Variants in ANKHD1 observed in about 807,000 individuals in gnomAD.
ANKHD1 encodes the protein ankyrin repeat and KH domain-containing protein 1.
ANKHD1 carries 31 observed loss-of-function variants against 230.5 expected under a neutral mutation model. That is an observed-to-expected ratio of 0.13 (90% CI 0.10 to 0.18). ANKHD1 has a LOEUF of 0.18. ANKHD1 is among the 10% of genes least tolerant of loss of function. The pLI is 1.00. For missense variants in ANKHD1, 2,256 were observed against 3,071.3 expected, an observed-to-expected ratio of 0.73 and a Z score of 6.27; for synonymous variants, 1,074 against 1,117.6, an observed-to-expected ratio of 0.96 and a Z score of 0.78.
chr5:140,443,493 A>G (rs1581252980), intron 5 of ANKHD1, among the ~76,000 whole-genome samples: 1 of 151,860 alleles, frequency 6.6e-6, no homozygotes, highest in Non-Finnish European at 1.5e-5. Flanking sequence ...GATCGAGACT[A>G]TCCTGGCTAA....
In ANKHD1 at chr5:140,507,679, G is replaced by A. The variant is rs1464642385; in HGVS notation, c.3552-106G>A. 1 of 1,289,630 alleles carries A rather than the reference G, an allele frequency of 7.8e-7. No homozygotes were observed. Among genetic ancestry groups the A allele is most frequent in the Non-Finnish European group, 1.1e-6 (1 of 943,258 alleles). 79.9% of individuals were successfully genotyped at this position (1,289,630 alleles called of 1,614,324 possible). A position where few individuals can be genotyped will look rare whatever the true frequency, so the allele number is the denominator to read the frequency against. ...TCGAAACAAGTAAAATCTATTCATT[G>A]ATGTTAGAAACCTCTCTTTTTAGTG... On this transcript the variant is annotated intron_variant, in intron 19 of 33. Transcript: ENST00000360839. This position sits in a 1 kb window ranked among gnomAD's most constrained non-coding sequence, Gnocchi z 4.1.
At chr5:140,505,996 G>A (rs977424069) in intron 18 of ANKHD1, 127 bp downstream of exon 18, 2 of 1,411,818 alleles carry the variant, frequency 1.4e-6, no homozygotes, top group African/African-American at 2.9e-5. Flanking sequence ...CTGAGGCAGG[G>A]TCTTGCTCTG....
intron 7 of ANKHD1, among the ~76,000 whole-genome samples, chr5:140,453,424 C>T (rs989467184): frequency 2.0e-5 from 3 of 152,022 alleles, no homozygotes; most frequent in Non-Finnish European, 4.4e-5. Context: ...GATTCACCAA[C>T]GTTGAAATGA....
rs1769977651 is a variant in ANKHD1 at position 140,401,951 on chromosome 5, G to A, written c.-17G>A. On this transcript the variant is annotated 5_prime_UTR_variant, in exon 1 of 34. Transcript: ENST00000360839. ...CCGCGAGTGGGTCGGCACCGTCTCCGGCTCCGGGTGCGAACAATGCTGACT... is the reference window on the plus strand; with the variant it reads ...CCGCGAGTGGGTCGGCACCGTCTCCAGCTCCGGGTGCGAACAATGCTGACT... 2 of 1,563,108 alleles carry A rather than the reference G, an allele frequency of 1.3e-6. No individual in the cohort carries two copies. Among genetic ancestry groups the A allele is most frequent in the Non-Finnish European group, 1.7e-6 (2 of 1,159,352 alleles).
intron 14 of ANKHD1, among the ~76,000 whole-genome samples, chr5:140,489,469 G>A (rs754674429): frequency 6.6e-6 from 1 of 152,004 alleles, no homozygotes; most frequent in Non-Finnish European, 1.5e-5. Context: ...CAGCCTGGGC[G>A]ACAGCCTCAA....
intron 1 of ANKHD1, among the ~76,000 whole-genome samples, chr5:140,414,694 A>C (rs960079185): frequency 4.6e-5 from 7 of 152,084 alleles, no homozygotes; most frequent in African/African-American, 9.7e-5. Context: ...TTAGCCAGGC[A>C]TGGTGGCACA....
chr5:140,523,487 A>C (rs935713244), intron 24 of ANKHD1, among the ~76,000 whole-genome samples: 1 of 149,560 alleles, frequency 6.7e-6, no homozygotes, highest in African/African-American at 2.5e-5. Flanking sequence ...TTTTTTTTTT[A>C]TATATTATAG....
At chr5:140,437,529 C>G (rs945733861) in intron 2 of ANKHD1, among the ~76,000 whole-genome samples, 1 of 152,118 alleles carries the variant, frequency 6.6e-6, no homozygotes, top group Admixed American at 6.6e-5. Flanking sequence ...ATGGTGAAAC[C>G]TCGTCTTTAC....
intron 1 of ANKHD1, among the ~76,000 whole-genome samples, chr5:140,426,546 C>G (rs1170084157): frequency 6.6e-6 from 1 of 151,050 alleles, no homozygotes; most frequent in African/African-American, 2.5e-5. Flanking sequence ...ATTGATCATT[C>G]TTGGGTGTTT....
At chr5:140,427,517 C>T (rs534067667) in intron 1 of ANKHD1, among the ~76,000 whole-genome samples, 11 of 135,724 alleles carry the variant, frequency 8.1e-5, no homozygotes, top group Middle Eastern at 4.9e-3. Flanking sequence ...CGCCCCTCAC[C>T]TCCCGGACGG....
chr5:140,514,539 C>T (rs1227261046), intron 24 of ANKHD1, among the ~76,000 whole-genome samples: 2 of 151,994 alleles, frequency 1.3e-5, no homozygotes, highest in Admixed American at 6.6e-5. Flanking sequence ...CCTATATGAC[C>T]AATATTCTTA....
intron 7 of ANKHD1, among the ~76,000 whole-genome samples, chr5:140,451,523 T>C (rs1774731635): frequency 1.3e-5 from 2 of 152,212 alleles, no homozygotes; most frequent in Admixed American, 6.5e-5. Flanking sequence ...TAATTCTTTT[T>C]TGTTTTTGAG....
At chr5:140,445,591 G>C in intron 5 of ANKHD1, 151 bp from the exon 6 acceptor site, 1 of 679,120 alleles carries the variant, frequency 1.5e-6, no homozygotes, top group Non-Finnish European at 2.0e-6. Flanking sequence ...ATTTGTGTAA[G>C]GGAATTGAAG....
chr5:140,460,924 G>A (rs1454334319), intron 9 of ANKHD1, among the ~76,000 whole-genome samples: 4 of 152,064 alleles, frequency 2.6e-5, no homozygotes. Flanking sequence ...TCTAGTTATT[G>A]TATATATTCA....
At chr5:140,432,116 T>C (rs374695932) in intron 1 of ANKHD1, among the ~76,000 whole-genome samples, 20 of 152,228 alleles carry the variant, frequency 1.3e-4, no homozygotes, top group African/African-American at 3.9e-4. Context: ...CCATAAGATA[T>C]AGCATTTTAA....
intron 15 of ANKHD1, among the ~76,000 whole-genome samples, chr5:140,498,683 AAC>A (rs1192344189): frequency 5.9e-5 from 9 of 152,134 alleles, no homozygotes; most frequent in Non-Finnish European, 1.2e-4. Context: ...TCTGGGTAAA[AAC>A]AGATTTTAGA....
chr5:140,442,988 C>T (rs1185062826), intron 5 of ANKHD1, among the ~76,000 whole-genome samples: 1 of 151,914 alleles, frequency 6.6e-6, no homozygotes, highest in African/African-American at 2.4e-5. Context: ...TCACTGCAAG[C>T]TCTGCCTTCC....
At chr5:140,438,694 A>G (rs988346269) in intron 3 of ANKHD1, 77 bp downstream of exon 3, 12 of 1,455,232 alleles carry the variant, frequency 8.2e-6, no homozygotes, top group Middle Eastern at 1.8e-4. Flanking sequence ...TTGGTTAAAT[A>G]TATCTTTTGG....
intron 29 of ANKHD1, among the ~76,000 whole-genome samples, chr5:140,533,631 C>T (rs938310362): frequency 3.3e-5 from 5 of 151,424 alleles, no homozygotes; most frequent in African/African-American, 1.2e-4. Flanking sequence ...TAAATTAGCT[C>T]AGTGTGGTGG....
Sources: gnomAD v4.1 joint callset for allele counts (sites outside exome capture counted in the v4.1 genomes callset) on GRCh38, gnomAD v4.1.1 for gene constraint, Gnocchi (gnomAD v3.1) non-coding constraint, MANE v1.5 for transcripts, NCBI Gene and HGNC (gene_info 2026-07-23, HGNC 2026-07-21) for gene names.